Variants in SNX29 observed in about 807,000 individuals in gnomAD.
SNX29 encodes sorting nexin-29.
In SNX29, 78 loss-of-function variants were observed where a neutral mutation model predicts 102.1. That is an observed-to-expected ratio of 0.76 (90% CI 0.64 to 0.92). The LOEUF (loss-of-function observed/expected upper bound fraction) is 0.92. Ranked by LOEUF, SNX29 falls within the 40% of genes least tolerant of loss-of-function variation. The pLI, the probability that SNX29 is intolerant of heterozygous loss-of-function variation, is 0.00. For synonymous variants in SNX29, 580 were observed against 414.5 expected (o/e 1.40, Z -4.85); for missense variants, 1,280 against 1,061.7 (o/e 1.21, Z -2.86).
At chr16:12,119,993 T>G (rs12596703) in intron 11 of SNX29, among the ~76,000 whole-genome samples, 1 of 152,034 alleles carries the variant, frequency 6.6e-6, no homozygotes, top group Non-Finnish European at 1.5e-5. Context: ...TGGGACATTT[T>G]TTCCTCCTTT....
intron 13 of SNX29, among the ~76,000 whole-genome samples, chr16:12,156,743 G>C (rs909731103): frequency 6.6e-6 from 1 of 152,264 alleles, no homozygotes; most frequent in Non-Finnish European, 1.5e-5. Flanking sequence ...TTGGCCAAAT[G>C]AATGAATTGA....
intron 16 of SNX29, among the ~76,000 whole-genome samples, chr16:12,363,671 G>A (rs559686094): frequency 2.0e-5 from 3 of 152,294 alleles, no homozygotes; most frequent in Admixed American, 2.0e-4. Flanking sequence ...TTTTCATAGG[G>A]CAGAGGCTGA....
At position 12,052,221 on chromosome 16, in the gene SNX29, A is replaced by C; in HGVS notation, c.1123A>C (p.Lys375Gln). The change falls in exon 8 of 21, where the codon AAG (lysine) becomes CAG (glutamine). Residue 375 changes from lysine (K) to glutamine (Q), a missense_variant and splice_region_variant. By Grantham distance (53) the Lys-to-Gln change is moderately conservative. Transcript: ENST00000566228. The part of the protein sequence containing the change: ...KHRGHSESPE[K>Q]PLEGNTCLSQ... ...CAGGGGCCACTCGGAGTCGCCCGAG[A>C]AGTAAGTTTGTGTGTAAGGTGGAGT... is the stretch of plus-strand genomic sequence containing the variant. The C allele has an allele frequency of 1.2e-6, 2 of 1,613,726 alleles. No individual in the cohort carries two copies. The highest frequency in any genetic ancestry group is 1.7e-6 in the Non-Finnish European group (2 of 1,179,788).
intron 3 of SNX29, 42 bp from the exon 4 acceptor site, chr16:12,027,278 C>T (rs745510416): frequency 5.6e-6 from 9 of 1,609,784 alleles, no homozygotes; most frequent in Middle Eastern, 3.3e-4. Context: ...AGTTGCTACT[C>T]CCTTTTCTGG....
At chr16:12,175,853 T>TA (rs923983474) in intron 13 of SNX29, among the ~76,000 whole-genome samples, 24 of 149,022 alleles carry the variant, frequency 1.6e-4, no homozygotes, top group East Asian at 7.9e-4. Flanking sequence ...CAAAAATAAT[T>TA]AAAAAAAAAA....
intron 19 of SNX29, among the ~76,000 whole-genome samples, chr16:12,500,289 C>T (rs1324714062): frequency 6.6e-6 from 1 of 152,212 alleles, no homozygotes; most frequent in East Asian, 1.9e-4. Flanking sequence ...TGAGCCACTT[C>T]TCCTGGCCCT....
chr16:12,279,288 T>A (rs1330098483), intron 15 of SNX29, among the ~76,000 whole-genome samples: 1 of 152,228 alleles, frequency 6.6e-6, no homozygotes, highest in Admixed American at 6.5e-5. Context: ...TCCCCTAAGT[T>A]CATTGCTGGT....
At chr16:12,448,737 C>G (rs58757367) in intron 18 of SNX29, among the ~76,000 whole-genome samples, 1 of 152,184 alleles carries the variant, frequency 6.6e-6, no homozygotes, top group South Asian at 2.1e-4. Flanking sequence ...CTGAGACTTT[C>G]CCTGAAGTGT....
chr16:12,572,877 G>A lies in SNX29; in HGVS notation c.*4248G>A, dbSNP rs1049654316. 1 of 1,061,450 alleles carries A rather than the reference G, an allele frequency of 9.4e-7. No individual in the cohort carries two copies. The highest frequency in any genetic ancestry group is 1.6e-5 in the African/African-American group (1 of 61,042). 65.8% of individuals were successfully genotyped at this position (1,061,450 alleles called of 1,614,324 possible). A position where few individuals can be genotyped will look rare whatever the true frequency, so the allele number is the denominator to read the frequency against. On this transcript the variant is annotated 3_prime_UTR_variant, in exon 21 of 21. Coordinates refer to ENST00000566228, the MANE Select transcript of SNX29 (RefSeq NM_032167.5). ...CAGCCCTAAAGGTAATGATTGTCTTGACTCTGCCTTGGCATTTCGCTCGGA... is the reference window on the plus strand; with the variant it reads ...CAGCCCTAAAGGTAATGATTGTCTTAACTCTGCCTTGGCATTTCGCTCGGA...
At chr16:12,104,557 A>G (rs957588410) in intron 11 of SNX29, among the ~76,000 whole-genome samples, 1 of 151,874 alleles carries the variant, frequency 6.6e-6, no homozygotes, top group Admixed American at 6.6e-5. Context: ...CTCCATCTCA[A>G]ACAAACAAAC....
At chr16:12,560,022 C>T (rs2078626571) in intron 20 of SNX29, among the ~76,000 whole-genome samples, 1 of 152,102 alleles carries the variant, frequency 6.6e-6, no homozygotes, top group Non-Finnish European at 1.5e-5. Flanking sequence ...TTTTGGAAGA[C>T]TTAGTATGAC....
intron 13 of SNX29, among the ~76,000 whole-genome samples, chr16:12,190,355 C>A (rs2076612004): frequency 6.6e-6 from 1 of 152,062 alleles, no homozygotes; most frequent in Admixed American, 6.6e-5. Context: ...TGGCCACTGT[C>A]TTCAAGGATC....
chr16:12,366,785 C>T (rs1281635543), intron 16 of SNX29, among the ~76,000 whole-genome samples: 1 of 151,572 alleles, frequency 6.6e-6, no homozygotes, highest in African/African-American at 2.4e-5. Flanking sequence ...GTGTCTTTCT[C>T]TCCCTCTCTC....
intron 14 of SNX29, among the ~76,000 whole-genome samples, chr16:12,253,931 TAAG>T: frequency 6.6e-6 from 1 of 151,882 alleles, no homozygotes; most frequent in Non-Finnish European, 1.5e-5. Context: ...GTGAGAATGG[TAAG>T]AAGTGGCCTG....
chr16:12,460,840 T>C (rs1021088680), intron 18 of SNX29, among the ~76,000 whole-genome samples: 2 of 152,060 alleles, frequency 1.3e-5, no homozygotes, highest in Non-Finnish European at 2.9e-5. Context: ...TTTGTACTTT[T>C]AGTAGAGAGA....
At chr16:12,216,051 A>T (rs553271736) in intron 14 of SNX29, among the ~76,000 whole-genome samples, 1 of 152,324 alleles carries the variant, frequency 6.6e-6, no homozygotes, top group South Asian at 2.1e-4. Flanking sequence ...CAGCCTGCGG[A>T]GCTCATCGTG....
chr16:12,564,202 C>T (rs951074898), intron 20 of SNX29, among the ~76,000 whole-genome samples: 4 of 144,436 alleles, frequency 2.8e-5, no homozygotes, highest in African/African-American at 1.1e-4. Flanking sequence ...GTCCTGGGCA[C>T]CATAGGGAGA....
chr16:12,125,209 G>T (rs2054153174), intron 11 of SNX29, among the ~76,000 whole-genome samples: 1 of 152,112 alleles, frequency 6.6e-6, no homozygotes, highest in African/African-American at 2.4e-5. Context: ...GTGTGTTCAG[G>T]TTCAAGCCCG....
chr16:12,050,448 G>A (rs992892839), intron 7 of SNX29, among the ~76,000 whole-genome samples: 1 of 152,152 alleles, frequency 6.6e-6, no homozygotes, highest in Admixed American at 6.5e-5. Context: ...TTACTTTTTT[G>A]TGTGGGTTGG....
Sources: allele counts gnomAD v4.1 joint callset (sites outside exome capture counted in the v4.1 genomes callset), GRCh38; gene constraint gnomAD v4.1.1; transcripts MANE v1.5; gene names NCBI Gene and HGNC (gene_info 2026-07-23, HGNC 2026-07-21).